DOK6: variants seen among roughly 807,000 people sequenced by gnomAD.
The protein encoded by DOK6 is docking protein 6, also known as downstream of tyrosine kinase 6.
DOK6 carries 22 observed loss-of-function variants against 44.0 expected under a neutral mutation model. That is an observed-to-expected ratio of 0.50 (90% CI 0.36 to 0.71). The LOEUF is 0.71. DOK6 is among the 30% of genes least tolerant of loss of function. The pLI, the probability that DOK6 is intolerant of heterozygous loss-of-function variation, is 0.00. For synonymous variants in DOK6, 166 were observed against 145.5 expected, an observed-to-expected ratio of 1.14 and a Z score of -1.01; for missense variants, 340 against 416.4, an observed-to-expected ratio of 0.82 and a Z score of 1.60.
At chr18:69,469,370 A>C (rs1599145438) in intron 1 of DOK6, 1 of 151,954 alleles carries the variant, frequency 6.6e-6, no homozygotes, top group East Asian at 1.9e-4. Context: ...AATGCAAGAC[A>C]TTTTAACTTT....
Position 69,449,480 on chromosome 18 carries a change from T to A in DOK6, c.66+48170T>A, listed in dbSNP as rs77533091. 2.0e-4 allele frequency among the ~76,000 whole-genome samples: 30 copies of A among 152,338 alleles called. No homozygotes were observed. The East Asian group carries it at 5.6e-3, about 28-fold the overall frequency. ...TACCTTAGCATTTGAAATAAGGAAT[T>A]TTTCATTAACTACTAATTTAATAGC... On this transcript the variant is annotated intron_variant, in intron 1 of 7. Transcript: ENST00000382713.
chr18:69,594,209 T>G (rs1457668378), intron 2 of DOK6, among the ~76,000 whole-genome samples: 1 of 140,332 alleles, frequency 7.1e-6, no homozygotes, highest in African/African-American at 2.5e-5. Flanking sequence ...AAAGGGAAAA[T>G]GAATGTTTTC....
chr18:69,840,025 T>G (rs1185864216), intron 7 of DOK6, among the ~76,000 whole-genome samples: 1 of 152,236 alleles, frequency 6.6e-6, no homozygotes, highest in Non-Finnish European at 1.5e-5. Flanking sequence ...AATTAGCCTT[T>G]TACCACCCAG....
chr18:69,478,832 C>G (rs1980340122), intron 1 of DOK6, among the ~76,000 whole-genome samples: 2 of 152,062 alleles, frequency 1.3e-5, no homozygotes, highest in Non-Finnish European at 2.9e-5. Flanking sequence ...TGGGCTTTGC[C>G]ACTGATGTTT....
intron 1 of DOK6, among the ~76,000 whole-genome samples, chr18:69,435,037 A>AGGAC (rs796877837): frequency 0.14 from 10,775 of 78,030 alleles, 896 homozygotes; most frequent in Non-Finnish European, 0.18. Context: ...GAAGGAAGGA[A>AGGAC]GGAAGGAAGG....
At chr18:69,679,477 G>A (rs1428151128) in intron 4 of DOK6, among the ~76,000 whole-genome samples, 1 of 152,268 alleles carries the variant, frequency 6.6e-6, no homozygotes, top group East Asian at 1.9e-4. Context: ...CTAGCTTCTG[G>A]TTTATATTCC....
chr18:69,458,361 G>A (rs1057023786), intron 1 of DOK6, among the ~76,000 whole-genome samples: 3 of 152,130 alleles, frequency 2.0e-5, no homozygotes, highest in Non-Finnish European at 4.4e-5. Flanking sequence ...CATGATAATA[G>A]TCCTCAAAAG....
intron 4 of DOK6, among the ~76,000 whole-genome samples, chr18:69,682,041 CT>C (rs1986057448): frequency 6.6e-6 from 1 of 152,170 alleles, no homozygotes; most frequent in Non-Finnish European, 1.5e-5. Flanking sequence ...TACATTTCTT[CT>C]TTTAGCCTAA....
At chr18:69,437,490 G>A (rs1979013767) in intron 1 of DOK6, among the ~76,000 whole-genome samples, 1 of 152,178 alleles carries the variant, frequency 6.6e-6, no homozygotes, top group Admixed American at 6.5e-5. Context: ...TTATTTGTGA[G>A]TCCTCTGTTC....
chr18:69,646,859 G>A (rs187815096), intron 3 of DOK6, among the ~76,000 whole-genome samples: 1 of 152,012 alleles, frequency 6.6e-6, no homozygotes, highest in Admixed American at 6.6e-5. Context: ...TCTCCATCAG[G>A]GTGGGGCCCC....
At chr18:69,603,546 T>C (rs1034043170) in intron 3 of DOK6, among the ~76,000 whole-genome samples, 28 of 151,666 alleles carry the variant, frequency 1.8e-4, no homozygotes, top group South Asian at 4.2e-4. Flanking sequence ...CCGAGGCGGG[T>C]GGATCACGAG....
chr18:69,602,125 G>A (rs1983887842), intron 3 of DOK6, among the ~76,000 whole-genome samples: 1 of 152,140 alleles, frequency 6.6e-6, no homozygotes, highest in Non-Finnish European at 1.5e-5. Context: ...TTAAGTGGGG[G>A]CTGTTCATAG....
intron 1 of DOK6, among the ~76,000 whole-genome samples, chr18:69,523,520 A>G (rs1311712852): frequency 6.6e-6 from 1 of 152,096 alleles, no homozygotes; most frequent in Non-Finnish European, 1.5e-5. Context: ...TGTAAGATAC[A>G]TACAGGAAAT....
intron 7 of DOK6, among the ~76,000 whole-genome samples, chr18:69,822,447 A>G (rs1162494953): frequency 1.4e-5 from 2 of 143,750 alleles, no homozygotes; most frequent in Admixed American, 6.9e-5. Context: ...CCCAATTCCC[A>G]AAAGATGATG....
intron 2 of DOK6, among the ~76,000 whole-genome samples, chr18:69,586,623 G>C (rs1983507104): frequency 6.6e-6 from 1 of 152,348 alleles, no homozygotes; most frequent in South Asian, 2.1e-4. Context: ...CCAGTGGAGA[G>C]GAGGTAGCCC....
At chr18:69,416,157 GGAAGGAAGGAAGGAAGGAAGGAAC>G (rs1030291646) in intron 1 of DOK6, among the ~76,000 whole-genome samples, 1 of 61,724 alleles carries the variant, frequency 1.6e-5, no homozygotes, top group African/African-American at 5.7e-5. Flanking sequence ...AGGGAGGGAG[GGAAGGAAGGAAGGAAGGAAGGAAC>G]GAAGGAAGGA....
intron 5 of DOK6, among the ~76,000 whole-genome samples, chr18:69,712,058 G>A (rs960161089): frequency 6.6e-6 from 1 of 151,252 alleles, no homozygotes; most frequent in African/African-American, 2.4e-5. Context: ...GAGGCGGGCG[G>A]ATCACGAGGT....
chr18:69,678,629 T>C (rs1277012923), intron 4 of DOK6, among the ~76,000 whole-genome samples: 1 of 152,220 alleles, frequency 6.6e-6, no homozygotes, highest in African/African-American at 2.4e-5. Context: ...TGTTCTCTAG[T>C]TTAACAAGCA....
intron 3 of DOK6, among the ~76,000 whole-genome samples, chr18:69,669,543 G>T (rs73465970): frequency 1.3e-5 from 2 of 151,998 alleles, no homozygotes; most frequent in Admixed American, 1.3e-4. Context: ...CCTTTTATAT[G>T]ACACCTGTCC....
Sources: gnomAD v4.1 joint callset for allele counts (sites outside exome capture counted in the v4.1 genomes callset) on GRCh38, gnomAD v4.1.1 for gene constraint, MANE v1.5 for transcripts, NCBI Gene and HGNC (gene_info 2026-07-23, HGNC 2026-07-21) for gene names.